CCND3: variants seen among roughly 807,000 people sequenced by gnomAD.
The protein encoded by CCND3 is cyclin D3, also known as G1/S-specific cyclin-D3.
Under a neutral mutation model 28.7 loss-of-function variants are expected in CCND3, and 9 were observed. That is an observed-to-expected ratio of 0.31 (90% CI 0.19 to 0.55). The LOEUF (loss-of-function observed/expected upper bound fraction) is 0.55, where lower values mean the gene tolerates loss of function less well. Among genes scored for constraint, CCND3 ranks in the 20% least tolerant of loss-of-function variants. CCND3 has a pLI of 0.93. For missense variants in CCND3, 315 were observed against 385.8 expected, an observed-to-expected ratio of 0.82 and a Z score of 1.54; for synonymous variants, 164 against 163.9, an observed-to-expected ratio of 1.00 and a Z score of 0.00.
At chr6:41,991,243 G>C (rs1222836348) in intron 1 of CCND3, among the ~76,000 whole-genome samples, 1 of 152,016 alleles carries the variant, frequency 6.6e-6, no homozygotes, top group Non-Finnish European at 1.5e-5. Flanking sequence ...ATTTTTAGTA[G>C]AGACAAGGTT....
chr6:42,032,242 C>T (rs967644129), intron 1 of CCND3, among the ~76,000 whole-genome samples: 2 of 152,182 alleles, frequency 1.3e-5, no homozygotes, highest in Non-Finnish European at 2.9e-5. Context: ...CATGCCACCA[C>T]ACCTGACTAC....
intron 1 of CCND3, among the ~76,000 whole-genome samples, chr6:41,948,753 T>C (rs765267256): frequency 4.0e-5 from 6 of 151,676 alleles, no homozygotes; most frequent in Middle Eastern, 3.4e-3. Context: ...GGCAAGAGAA[T>C]TGCTTGAACC....
At chr6:41,997,748 T>C (rs75256835) in intron 1 of CCND3, among the ~76,000 whole-genome samples, 1,574 of 151,954 alleles carry the variant, frequency 0.01, 24 homozygotes, top group African/African-American at 0.036. Flanking sequence ...GGCATGAGAA[T>C]CTGGCTGGAT....
chr6:41,946,196 G>C (rs1282737818), upstream of CCND3, among the ~76,000 whole-genome samples: 9 of 152,176 alleles, frequency 5.9e-5, no homozygotes, highest in Admixed American at 5.9e-4. Flanking sequence ...CCCCCCCACA[G>C]AGTGGTTGTG....
intron 1 of CCND3, among the ~76,000 whole-genome samples, chr6:41,964,375 TGTGTGA>T (rs1424421991): frequency 7.9e-5 from 12 of 151,108 alleles, no homozygotes; most frequent in African/African-American, 2.4e-4. Flanking sequence ...TGTGTGAATG[TGTGTGA>T]GTGTGTGTGT....
At chr6:41,964,669 C>A (rs1404560953) in intron 1 of CCND3, among the ~76,000 whole-genome samples, 1 of 152,044 alleles carries the variant, frequency 6.6e-6, no homozygotes, top group East Asian at 1.9e-4. Flanking sequence ...GCAGACCCAG[C>A]AGGTTGGGTG....
chr6:42,001,312 GATATAC>G (rs1763004548), intron 1 of CCND3, among the ~76,000 whole-genome samples: 1 of 150,338 alleles, frequency 6.7e-6, no homozygotes, highest in South Asian at 2.1e-4. Context: ...CTTGCTCAAG[GATATAC>G]ATAGGTGCTA....
intron 1 of CCND3, among the ~76,000 whole-genome samples, chr6:42,012,420 C>G (rs1284092792): frequency 1.3e-5 from 2 of 150,384 alleles, no homozygotes; most frequent in African/African-American, 5.0e-5. Context: ...TCTATCTCAA[C>G]AATAAAATAA....
chr6:42,012,409 C>G (rs770545220), intron 1 of CCND3, among the ~76,000 whole-genome samples: 1 of 151,090 alleles, frequency 6.6e-6, no homozygotes, highest in Non-Finnish European at 1.5e-5. Context: ...GCGAAAGAAG[C>G]TCTATCTCAA....
chr6:42,006,069 A>G (rs1331080280), intron 1 of CCND3, among the ~76,000 whole-genome samples: 2 of 151,730 alleles, frequency 1.3e-5, no homozygotes, highest in Non-Finnish European at 2.9e-5. Flanking sequence ...TGGGAGGCTG[A>G]GGGGGTAGGA....
At chr6:42,040,302 C>T (rs1358070294) in intron 1 of CCND3, among the ~76,000 whole-genome samples, 1 of 152,096 alleles carries the variant, frequency 6.6e-6, no homozygotes, top group Admixed American at 6.6e-5. Context: ...CCTGTAATCC[C>T]AGCTACTTAG....
intron 1 of CCND3, among the ~76,000 whole-genome samples, chr6:41,974,830 T>C (rs9367118): frequency 0.18 from 25,868 of 146,850 alleles, 2,790 homozygotes; most frequent in East Asian, 0.25. Flanking sequence ...TCTAGCCCTG[T>C]TGCCCAGGCT....
At chr6:42,025,144 G>T (rs963268506) in intron 1 of CCND3, among the ~76,000 whole-genome samples, 4 of 152,220 alleles carry the variant, frequency 2.6e-5, no homozygotes, top group Admixed American at 1.3e-4. Context: ...GGGGAATAAA[G>T]TGAGAGTGAC....
intron 1 of CCND3, among the ~76,000 whole-genome samples, chr6:42,037,561 A>C (rs1000734549): frequency 2.0e-5 from 3 of 152,148 alleles, no homozygotes; most frequent in Non-Finnish European, 4.4e-5. Flanking sequence ...GCTTATGTTA[A>C]CATGCAATGA....
intron 1 of CCND3, among the ~76,000 whole-genome samples, chr6:42,031,006 G>A (rs185910074): frequency 6.6e-6 from 1 of 152,204 alleles, no homozygotes; most frequent in Non-Finnish European, 1.5e-5. Flanking sequence ...CATTCTCCTG[G>A]GGGCACAGCT....
intron 1 of CCND3, among the ~76,000 whole-genome samples, chr6:42,042,544 G>C (rs754826872): frequency 2.0e-5 from 3 of 152,066 alleles, no homozygotes; most frequent in Non-Finnish European, 4.4e-5. Flanking sequence ...CTTTTTAGTA[G>C]AGACGGGGTT....
intron 1 of CCND3, among the ~76,000 whole-genome samples, chr6:42,025,271 G>T (rs1327769071): frequency 6.6e-6 from 1 of 152,172 alleles, no homozygotes; most frequent in East Asian, 1.9e-4. Flanking sequence ...GGCCAAGAGG[G>T]GCCCAGGAAG....
chr6:41,987,128 G>A (rs1000671884), intron 1 of CCND3, among the ~76,000 whole-genome samples: 4 of 151,994 alleles, frequency 2.6e-5, no homozygotes, highest in Non-Finnish European at 5.9e-5. Context: ...TAATGGGATG[G>A]ACTTTCTATT....
intron 1 of CCND3, among the ~76,000 whole-genome samples, chr6:41,980,969 C>T (rs1044180773): frequency 1.3e-5 from 2 of 152,132 alleles, no homozygotes; most frequent in African/African-American, 4.8e-5. Context: ...AGACCAGGAA[C>T]AAGCGAAGGA....
Sources: gnomAD v4.1 joint callset for allele counts (sites outside exome capture counted in the v4.1 genomes callset) on GRCh38, gnomAD v4.1.1 for gene constraint, MANE v1.5 for transcripts, NCBI Gene and HGNC (gene_info 2026-07-23, HGNC 2026-07-21) for gene names.